The following RAB6B variants were observed in gnomAD, a reference collection of about 807,000 sequenced individuals.
RAB6B encodes ras-related protein Rab-6B.
Under a neutral mutation model 31.2 loss-of-function variants are expected in RAB6B, and 7 were observed. The observed-to-expected ratio is 0.22, with a 90% CI of 0.13 to 0.42. The LOEUF is 0.42. Among genes scored for constraint, RAB6B ranks in the 10% least tolerant of loss-of-function variants. The pLI, the probability that RAB6B is intolerant of heterozygous loss-of-function variation, is 1.00. For synonymous variants in RAB6B, 105 were observed against 104.9 expected (o/e 1.00, Z -0.01); for missense variants, 149 against 280.6 (o/e 0.53, Z 3.35).
rs1936700948 is a variant in RAB6B at position 133,895,650 on chromosome 3, G to GGAGGAGGAGGAGGAGAGA, written c.-202_-185dup. ...GGCCTGCGGCTGCGTGTCCGGCGGC[G>GGAGGAGGAGGAGGAGAGA]GAGGAGGAGGAGGAGAGAGAGGCGG... On this transcript the variant is annotated 5_prime_UTR_variant, in exon 1 of 8. Coordinates refer to ENST00000285208, the MANE Select transcript of RAB6B (RefSeq NM_016577.4). The GGAGGAGGAGGAGGAGAGA allele has an allele frequency of 4.1e-6, 2 of 490,124 alleles. No homozygotes were observed. Among genetic ancestry groups the GGAGGAGGAGGAGGAGAGA allele is most frequent in the South Asian group, 2.7e-5 (1 of 36,546 alleles). 30.4% of individuals were successfully genotyped at this position (490,124 alleles called of 1,614,324 possible). A position where few individuals can be genotyped will look rare whatever the true frequency, so the allele number is the denominator to read the frequency against.
At chr3:133,851,723 T>C (rs986009203) in intron 2 of RAB6B, among the ~76,000 whole-genome samples, 1 of 152,156 alleles carries the variant, frequency 6.6e-6, no homozygotes, top group Non-Finnish European at 1.5e-5. Context: ...ACTTTGCAGA[T>C]AAGCCAGAGC....
At chr3:133,844,781 T>C (rs1935883384) in intron 2 of RAB6B, among the ~76,000 whole-genome samples, 1 of 151,568 alleles carries the variant, frequency 6.6e-6, no homozygotes, top group Non-Finnish European at 1.5e-5. Context: ...CTACAAAAAA[T>C]AAAAAATGAA....
At chr3:133,888,727 C>T (rs1936588424) in intron 1 of RAB6B, among the ~76,000 whole-genome samples, 1 of 152,126 alleles carries the variant, frequency 6.6e-6, no homozygotes, top group Admixed American at 6.5e-5. Context: ...ATAATGAAAA[C>T]AATTTTGAAA....
intron 2 of RAB6B, among the ~76,000 whole-genome samples, chr3:133,849,157 C>A (rs767210863): frequency 6.6e-6 from 1 of 152,218 alleles, no homozygotes; most frequent in Non-Finnish European, 1.5e-5. Flanking sequence ...GATTCACCTC[C>A]TCTACAAATC....
At chr3:133,861,363 T>C (rs1057062429) in intron 2 of RAB6B, among the ~76,000 whole-genome samples, 9 of 151,846 alleles carry the variant, frequency 5.9e-5, no homozygotes, top group Non-Finnish European at 1.3e-4. Flanking sequence ...AGAACACATG[T>C]GTGTATGTGT....
intron 7 of RAB6B, among the ~76,000 whole-genome samples, chr3:133,829,388 C>T (rs988679858): frequency 3.9e-5 from 6 of 152,206 alleles, no homozygotes; most frequent in Admixed American, 6.5e-5. Context: ...ACAGCCCCCT[C>T]GCCAGCCCTT....
intron 1 of RAB6B, among the ~76,000 whole-genome samples, chr3:133,871,961 G>A (rs537923935): frequency 6.7e-4 from 102 of 152,338 alleles, no homozygotes; most frequent in African/African-American, 2.4e-3. Context: ...GGCCCCAGGA[G>A]TTCCGGGAGG....
chr3:133,839,639 A>T, intron 4 of RAB6B, 22 bp from the exon 5 acceptor site: 5 of 1,579,268 alleles, frequency 3.2e-6, no homozygotes, highest in Non-Finnish European at 4.4e-6. Context: ...AAGTGAGGAT[A>T]AACTGAAAGC....
At chr3:133,841,475 C>G in intron 3 of RAB6B, 85 bp from the exon 4 acceptor site, 2 of 1,542,260 alleles carry the variant, frequency 1.3e-6, no homozygotes, top group Admixed American at 3.4e-5. Flanking sequence ...GAGAGCCGGG[C>G]TCTGCAATGC....
chr3:133,837,645 C>T (rs867737791), intron 6 of RAB6B, among the ~76,000 whole-genome samples: 1 of 152,230 alleles, frequency 6.6e-6, no homozygotes, highest in Non-Finnish European at 1.5e-5. Context: ...CAGGGGCCCT[C>T]ATGCTGCAAG....
At chr3:133,880,205 T>C (rs1375058783) in intron 1 of RAB6B, among the ~76,000 whole-genome samples, 2 of 152,240 alleles carry the variant, frequency 1.3e-5, no homozygotes, top group East Asian at 1.9e-4. Context: ...CCAACCAGCA[T>C]GGAGTTTGGC....
chr3:133,861,993 A>G (rs1048353412), intron 2 of RAB6B, among the ~76,000 whole-genome samples: 6 of 152,072 alleles, frequency 3.9e-5, no homozygotes, highest in Non-Finnish European at 7.4e-5. Flanking sequence ...AAACAAACAA[A>G]ATAACATTTC....
chr3:133,828,259 A>T lies in RAB6B; in HGVS notation c.*529T>A, dbSNP rs909185223. Reference sequence around the variant, plus strand: ...TTCAACCAATGTTTGATTTAACTGGAGTAGGGCCTAGAGAGTGGGGCCAGA... The same window carrying T: ...TTCAACCAATGTTTGATTTAACTGGTGTAGGGCCTAGAGAGTGGGGCCAGA... On this transcript the variant is annotated 3_prime_UTR_variant, in exon 8 of 8. Coordinates refer to ENST00000285208, the MANE Select transcript of RAB6B (RefSeq NM_016577.4). 2.0e-6 allele frequency: 1 copy of T among 489,142 alleles called. No homozygotes were observed. Among genetic ancestry groups the T allele is most frequent in the Non-Finnish European group, 3.7e-6 (1 of 271,526 alleles). 30.3% of individuals were successfully genotyped at this position (489,142 alleles called of 1,614,324 possible). A position where few individuals can be genotyped will look rare whatever the true frequency, so the allele number is the denominator to read the frequency against.
intron 6 of RAB6B, among the ~76,000 whole-genome samples, chr3:133,835,958 G>A (rs1034525368): frequency 3.3e-5 from 5 of 152,180 alleles, no homozygotes; most frequent in Admixed American, 6.5e-5. Context: ...ATTTGTTACG[G>A]TAGCCTGAAA....
At chr3:133,892,475 A>G (rs1330131687) in intron 1 of RAB6B, among the ~76,000 whole-genome samples, 1 of 151,978 alleles carries the variant, frequency 6.6e-6, no homozygotes, top group Admixed American at 6.5e-5. Flanking sequence ...CAAAGACCTG[A>G]TGTCCACCTG....
intron 1 of RAB6B, among the ~76,000 whole-genome samples, chr3:133,886,585 C>T: frequency 6.6e-6 from 1 of 152,046 alleles, no homozygotes; most frequent in African/African-American, 2.4e-5. Flanking sequence ...AAACACTGGC[C>T]AGGGAGTCAA....
chr3:133,847,144 C>G (rs1008895167), intron 2 of RAB6B, among the ~76,000 whole-genome samples: 6 of 152,218 alleles, frequency 3.9e-5, no homozygotes, highest in African/African-American at 1.4e-4. Context: ...AGCTCTTGTA[C>G]TAACTGCTTT....
At chr3:133,868,247 G>C (rs1236948900) in intron 1 of RAB6B, among the ~76,000 whole-genome samples, 2 of 152,214 alleles carry the variant, frequency 1.3e-5, no homozygotes, top group Non-Finnish European at 2.9e-5. Context: ...ACCTGCAAAT[G>C]GAGAACTTGC....
At chr3:133,835,718 A>G (rs138575840) in intron 6 of RAB6B, among the ~76,000 whole-genome samples, 290 of 152,202 alleles carry the variant, frequency 1.9e-3, no homozygotes, top group African/African-American at 6.7e-3. Context: ...GGAGGTGCTT[A>G]GTCAGGAGGG....
Sources: gnomAD v4.1 joint callset for allele counts (sites outside exome capture counted in the v4.1 genomes callset) on GRCh38, gnomAD v4.1.1 for gene constraint, MANE v1.5 for transcripts, NCBI Gene and HGNC (gene_info 2026-07-23, HGNC 2026-07-21) for gene names.